SLC24A4: variants seen among roughly 807,000 people sequenced by gnomAD.
SLC24A4 encodes the protein sodium/potassium/calcium exchanger 4.
In SLC24A4, 53 loss-of-function variants were observed where a neutral mutation model predicts 79.0. The observed-to-expected ratio is 0.67, with a 90% CI of 0.54 to 0.84. The LOEUF is 0.84. Ranked by LOEUF, SLC24A4 falls within the 40% of genes least tolerant of loss-of-function variation. The probability of loss-of-function intolerance (pLI) is 0.00; values close to 1 mark genes in which losing one functional copy is unlikely to be tolerated. For missense variants in SLC24A4, 731 were observed against 822.0 expected (o/e 0.89, Z 1.35); for synonymous variants, 323 against 323.8 (o/e 1.00, Z 0.03).
At chr14:92,428,360 A>G (rs569960636) in intron 2 of SLC24A4, among the ~76,000 whole-genome samples, 1 of 152,270 alleles carries the variant, frequency 6.6e-6, no homozygotes, top group South Asian at 2.1e-4. Flanking sequence ...CCTCCAAATG[A>G]GAAGTAGGAC....
chr14:92,397,198 G>A (rs559538251), intron 2 of SLC24A4, among the ~76,000 whole-genome samples: 3 of 152,218 alleles, frequency 2.0e-5, no homozygotes, highest in Admixed American at 1.3e-4. Context: ...AATCTATCAC[G>A]GTGGATAATC....
intron 14 of SLC24A4, among the ~76,000 whole-genome samples, chr14:92,488,049 T>TCTC (rs371616460): frequency 4.8e-5 from 7 of 146,416 alleles, no homozygotes; most frequent in East Asian, 2.0e-4. Context: ...CTTCCATCCT[T>TCTC]CTCCTCCTCC....
At chr14:92,442,474 T>C (rs1297303307) in intron 5 of SLC24A4, among the ~76,000 whole-genome samples, 1 of 152,248 alleles carries the variant, frequency 6.6e-6, no homozygotes, top group Non-Finnish European at 1.5e-5. Flanking sequence ...GTAAATTTTA[T>C]AGCATGCACA....
At chr14:92,332,653 G>A (rs940962494) in intron 2 of SLC24A4, among the ~76,000 whole-genome samples, 2 of 152,158 alleles carry the variant, frequency 1.3e-5, no homozygotes, top group Non-Finnish European at 2.9e-5. Context: ...AGGGTCAAAG[G>A]TACCTCCACC....
intron 13 of SLC24A4, chr14:92,484,046 C>T: frequency 4.1e-6 from 4 of 985,382 alleles, no homozygotes; most frequent in Non-Finnish European, 3.6e-6. Flanking sequence ...AAGCTGGTGA[C>T]TCCCTCTATG....
At chr14:92,461,557 G>A (rs1893810535) in intron 12 of SLC24A4, among the ~76,000 whole-genome samples, 1 of 152,106 alleles carries the variant, frequency 6.6e-6, no homozygotes, top group African/African-American at 2.4e-5. Flanking sequence ...TGTTTGTTTG[G>A]TGCATGCATG....
chr14:92,397,873 A>C (rs572828047), intron 2 of SLC24A4, among the ~76,000 whole-genome samples: 1 of 152,376 alleles, frequency 6.6e-6, no homozygotes, highest in South Asian at 2.1e-4. Flanking sequence ...AGCAAATGAC[A>C]TACTGATATT....
chr14:92,474,858 TA>T lies in SLC24A4; in HGVS notation c.1256-7821del, dbSNP rs1268704484. Among the ~76,000 whole-genome samples the T allele has an allele frequency of 5.5e-3, 361 of 65,762 alleles. 6 individuals carry two copies. The highest frequency in any genetic ancestry group is 0.022 in the African/African-American group (346 of 15,742). The allele number at this position is 65,762 out of a possible 152,430, so 43.1% of individuals were successfully genotyped here. The stretch of plus-strand genomic sequence containing the variant: ...GTGTGTGTGTGTATATATATATATA[TA>T]TATATTTTTTTTTTTTTTAGTAGAC... On this transcript the variant is annotated intron_variant, in intron 12 of 16. Transcript: ENST00000532405.
At position 92,498,366 on chromosome 14, in the gene SLC24A4, A is replaced by C. The variant is rs184524777; in HGVS notation, c.*4738A>C. Reference sequence around the variant, plus strand: ...TTTCTCTAGGCCTGTGCCACAGGACAGAGAACACGGGATTCTGCTGTTCGC... The same window carrying C: ...TTTCTCTAGGCCTGTGCCACAGGACCGAGAACACGGGATTCTGCTGTTCGC... On this transcript the variant is annotated 3_prime_UTR_variant, in exon 17 of 17. Transcript: ENST00000532405. 5.9e-5 allele frequency: 9 copies of C among 152,368 alleles called. No homozygotes were observed. Among genetic ancestry groups the C allele is most frequent in the Admixed American group, 5.9e-4 (9 of 15,308 alleles). The allele number at this position is 152,368 out of a possible 1,614,324, so 9.4% of individuals were successfully genotyped here.
chr14:92,438,432 C>A (rs1425966488), intron 3 of SLC24A4, among the ~76,000 whole-genome samples: 1 of 151,578 alleles, frequency 6.6e-6, no homozygotes, highest in Non-Finnish European at 1.5e-5. Context: ...AGTGAGACTC[C>A]CCCCGCCATC....
intron 2 of SLC24A4, among the ~76,000 whole-genome samples, chr14:92,428,160 C>T (rs956717592): frequency 6.6e-6 from 1 of 152,228 alleles, no homozygotes; most frequent in Non-Finnish European, 1.5e-5. Flanking sequence ...TGTTCAGTAA[C>T]ATCCTGTGCA....
rs570292190 is a variant in SLC24A4 at position 92,388,868 on chromosome 14, C to T, written c.242-45044C>T. On this transcript the variant is annotated intron_variant, in intron 2 of 16. Transcript: ENST00000532405. ...ACTGGGGCCCAGGAGACATCTTGCT[C>T]CTGCCTCTGGGCAGCCTGCATGCGG... 3.2e-4 allele frequency among the ~76,000 whole-genome samples: 48 copies of T among 152,320 alleles called. No individual in the cohort carries two copies. The Middle Eastern group carries it at 0.01, about 32-fold the overall frequency.
intron 2 of SLC24A4, among the ~76,000 whole-genome samples, chr14:92,334,321 T>A (rs79197213): frequency 0.066 from 10,028 of 152,230 alleles, 412 homozygotes; most frequent in Middle Eastern, 0.13. Flanking sequence ...TTGGGGAAAC[T>A]GTCACCAACC....
chr14:92,367,302 C>T (rs1406659426), intron 2 of SLC24A4, among the ~76,000 whole-genome samples: 1 of 152,236 alleles, frequency 6.6e-6, no homozygotes, highest in Non-Finnish European at 1.5e-5. Flanking sequence ...TCTATCCTAA[C>T]TGTGTGTATA....
At chr14:92,400,243 AT>A (rs1340041108) in intron 2 of SLC24A4, among the ~76,000 whole-genome samples, 1 of 152,122 alleles carries the variant, frequency 6.6e-6, no homozygotes, top group Non-Finnish European at 1.5e-5. Context: ...GATCGAGAAC[AT>A]CCAGGCCAAC....
At chr14:92,465,876 C>T (rs1427708166) in intron 12 of SLC24A4, among the ~76,000 whole-genome samples, 1 of 152,162 alleles carries the variant, frequency 6.6e-6, no homozygotes, top group East Asian at 1.9e-4. Context: ...CTCAGCTGGG[C>T]CTGCCTCTGA....
intron 12 of SLC24A4, among the ~76,000 whole-genome samples, chr14:92,464,994 A>G (rs1894024352): frequency 6.6e-6 from 1 of 152,064 alleles, no homozygotes; most frequent in Non-Finnish European, 1.5e-5. Flanking sequence ...CGTGCCTGAC[A>G]TCTTCTATTC....
chr14:92,452,058 C>T (rs1163568322), intron 10 of SLC24A4: 1 of 152,350 alleles, frequency 6.6e-6, no homozygotes, highest in Non-Finnish European at 1.5e-5. Flanking sequence ...AAGGAGAATT[C>T]CATCTTCCTG....
intron 2 of SLC24A4, among the ~76,000 whole-genome samples, chr14:92,383,094 C>T (rs1489391420): frequency 2.0e-5 from 3 of 152,206 alleles, no homozygotes; most frequent in Non-Finnish European, 4.4e-5. Flanking sequence ...TCGCTTGACT[C>T]CCCAGCCCAT....
Sources: gnomAD v4.1 joint callset for allele counts (sites outside exome capture counted in the v4.1 genomes callset) on GRCh38, gnomAD v4.1.1 for gene constraint, MANE v1.5 for transcripts, NCBI Gene and HGNC (gene_info 2026-07-23, HGNC 2026-07-21) for gene names.